MKLN1: variants seen among roughly 807,000 people sequenced by gnomAD.
MKLN1 encodes the protein muskelin.
Under a neutral mutation model 99.0 loss-of-function variants are expected in MKLN1, and 18 were observed. The ratio of observed to expected loss-of-function variants is 0.18; its 90% CI spans 0.13 to 0.27. The LOEUF (loss-of-function observed/expected upper bound fraction) is 0.27, where lower values mean the gene tolerates loss of function less well. Ranked by LOEUF, MKLN1 falls within the 10% of genes least tolerant of loss-of-function variation. MKLN1 has a pLI of 1.00. For synonymous variants in MKLN1, 288 were observed against 293.2 expected (o/e 0.98, Z 0.18); for missense variants, 621 against 875.9 (o/e 0.71, Z 3.67).
intron 8 of MKLN1, among the ~76,000 whole-genome samples, chr7:131,425,651 A>G (rs1795337708): frequency 1.3e-5 from 2 of 152,188 alleles, no homozygotes; most frequent in African/African-American, 4.8e-5. Context: ...TATAGCCTAT[A>G]TCCCATTCAG....
intron 2 of MKLN1, among the ~76,000 whole-genome samples, chr7:131,169,883 C>T (rs1796191553): frequency 6.6e-6 from 1 of 152,196 alleles, no homozygotes; most frequent in Non-Finnish European, 1.5e-5. Flanking sequence ...ACCATTATTA[C>T]AGCTCAACGG....
chr7:131,411,375 G>C lies in MKLN1; in HGVS notation c.773G>C (p.Ser258Thr). The change falls in exon 7 of 18, where the codon AGT (serine) becomes ACT (threonine). Residue 258 changes from serine to threonine, a missense_variant. Ser to Thr is a moderately conservative substitution (Grantham distance 58). Around this residue, in one of 8 missense-constraint regions of MKLN1, gnomAD observed 361 missense variants for 540.8 expected, o/e 0.67. Transcript: ENST00000352689. The part of the protein sequence containing the change: ...KPRWSQIIPK[S>T]TKGDGEDNRP... ...CGATGGAGTCAAATCATTCCCAAAA[G>C]TACCAAAGGTAAGCCATACCTTCTA... 2 of 1,603,124 alleles carry C rather than the reference G, an allele frequency of 1.2e-6. No homozygotes were observed. The highest frequency in any genetic ancestry group is 1.1e-5 in the South Asian group (1 of 90,840).
chr7:131,300,500 G>A (rs930046746), intron 3 of MKLN1, among the ~76,000 whole-genome samples: 12 of 141,240 alleles, frequency 8.5e-5, no homozygotes, highest in Non-Finnish European at 1.8e-4. Flanking sequence ...GGCCAAGATG[G>A]CAAAACACTG....
intron 3 of MKLN1, among the ~76,000 whole-genome samples, chr7:131,290,487 G>C (rs1380706459): frequency 6.6e-6 from 1 of 152,122 alleles, no homozygotes; most frequent in Non-Finnish European, 1.5e-5. Flanking sequence ...ATGTATCCCA[G>C]GTGCCTAGAA....
intron 3 of MKLN1, among the ~76,000 whole-genome samples, chr7:131,276,293 G>A (rs569822951): frequency 6.6e-6 from 1 of 152,304 alleles, no homozygotes; most frequent in Non-Finnish European, 1.5e-5. Flanking sequence ...GGGAGAGCTA[G>A]GGTGGAGTCA....
rs542233873 is a variant in MKLN1 at position 131,436,394 on chromosome 7, T to G, written c.961-1391T>G. Among the ~76,000 whole-genome samples, 10 of 152,310 alleles carry G rather than the reference T, an allele frequency of 6.6e-5. No individual in the cohort carries two copies. In the East Asian group the frequency reaches 1.9e-3, roughly 29 times the overall value. ...TTTCTGTGTCCACTTTATACATCAATTCTGTTATTTCTGCAGGAAGAACTC... is the reference window on the plus strand; with the variant it reads ...TTTCTGTGTCCACTTTATACATCAAGTCTGTTATTTCTGCAGGAAGAACTC... On this transcript the variant is annotated intron_variant, in intron 9 of 17. Transcript: ENST00000352689.
intron 3 of MKLN1, among the ~76,000 whole-genome samples, chr7:131,272,514 C>G (rs1170175084): frequency 2.0e-5 from 3 of 152,142 alleles, no homozygotes; most frequent in Non-Finnish European, 4.4e-5. Flanking sequence ...TTGGCTTACC[C>G]TCATGGGAAA....
Position 131,495,365 on chromosome 7 carries a change from T to A in MKLN1, c.*7637T>A, listed in dbSNP as rs1797530072. On this transcript the variant is annotated 3_prime_UTR_variant, in exon 18 of 18. Transcript: ENST00000352689. ...GAAAACATCTCCTGGACTGGAAATGTGGTGCTGTAACCAGCTGAGCCGAAA... is the reference window on the plus strand; with the variant it reads ...GAAAACATCTCCTGGACTGGAAATGAGGTGCTGTAACCAGCTGAGCCGAAA... 1 of 152,200 alleles carries A rather than the reference T, an allele frequency of 6.6e-6. No individual in the cohort carries two copies. The highest frequency in any genetic ancestry group is 2.1e-4 in the South Asian group (1 of 4,834). 9.4% of individuals were successfully genotyped at this position (152,200 alleles called of 1,614,324 possible).
At chr7:131,242,269 CT>C (rs544019733) in intron 3 of MKLN1, among the ~76,000 whole-genome samples, 1 of 152,304 alleles carries the variant, frequency 6.6e-6, no homozygotes, top group South Asian at 2.1e-4. Flanking sequence ...GGTATGGTGG[CT>C]CACGCCTGTA....
At chr7:131,448,624 A>G (rs1796087258) in intron 12 of MKLN1, among the ~76,000 whole-genome samples, 1 of 152,230 alleles carries the variant, frequency 6.6e-6, no homozygotes, top group African/African-American at 2.4e-5. Flanking sequence ...TTTAAAATTT[A>G]CATTAAATTG....
intron 2 of MKLN1, among the ~76,000 whole-genome samples, chr7:131,184,855 C>T (rs1796426602): frequency 1.3e-5 from 2 of 152,156 alleles, no homozygotes; most frequent in Non-Finnish European, 2.9e-5. Context: ...TGCACACACC[C>T]AGCCAGGTTC....
intron 1 of MKLN1, among the ~76,000 whole-genome samples, chr7:131,342,996 A>G (rs1799451013): frequency 6.6e-6 from 1 of 152,250 alleles, no homozygotes; most frequent in Admixed American, 6.5e-5. Context: ...CTGTCCATAC[A>G]TGGTTCAATA....
intron 3 of MKLN1, among the ~76,000 whole-genome samples, chr7:131,232,990 G>C (rs2116478246): frequency 6.6e-6 from 1 of 152,258 alleles, no homozygotes; most frequent in East Asian, 1.9e-4. Flanking sequence ...GAGGGAATGA[G>C]TGAAATGAGT....
intron 3 of MKLN1, among the ~76,000 whole-genome samples, chr7:131,241,344 C>T (rs578087406): frequency 7.5e-5 from 11 of 145,836 alleles, no homozygotes; most frequent in Middle Eastern, 3.5e-3. Context: ...CACCACTGCA[C>T]TCCAGCCTGG....
At chr7:131,227,785 C>T (rs542589613) in intron 3 of MKLN1, among the ~76,000 whole-genome samples, 3 of 152,166 alleles carry the variant, frequency 2.0e-5, no homozygotes, top group East Asian at 3.9e-4. Flanking sequence ...AGGCTGGTCT[C>T]GAACTCCTGG....
intron 12 of MKLN1, among the ~76,000 whole-genome samples, chr7:131,448,707 T>C (rs1226904061): frequency 6.6e-6 from 1 of 152,242 alleles, no homozygotes; most frequent in Non-Finnish European, 1.5e-5. Context: ...AATGGATTCA[T>C]TGTTTGATTA....
At position 131,487,506 on chromosome 7, in the gene MKLN1, T is replaced by C; in HGVS notation, c.2087-101T>C. The C allele has an allele frequency of 3.0e-6, 4 of 1,347,712 alleles. 1 individual carries two copies. Among genetic ancestry groups the C allele is most frequent in the Non-Finnish European group, 4.0e-6 (4 of 989,814 alleles). 83.5% of individuals were successfully genotyped at this position (1,347,712 alleles called of 1,614,324 possible). On this transcript the variant is annotated intron_variant, in intron 17 of 17. Transcript: ENST00000352689. The surrounding 1 kb of genome is among the most constrained non-coding windows in gnomAD (Gnocchi z 4.7). ...GTGTCTGCCTGGTTTTGAAGCCTGA[T>C]TTGATTTCTCCATTATAAAATACAT...
intron 12 of MKLN1, among the ~76,000 whole-genome samples, chr7:131,462,445 G>T (rs1796543486): frequency 6.6e-6 from 1 of 152,074 alleles, no homozygotes; most frequent in Non-Finnish European, 1.5e-5. Context: ...TTTTTTCCCA[G>T]GTCAAGATTT....
chr7:131,151,802 C>T (rs980918396), intron 2 of MKLN1, among the ~76,000 whole-genome samples: 3 of 152,128 alleles, frequency 2.0e-5, no homozygotes, highest in African/African-American at 7.2e-5. Context: ...TTTATGCACG[C>T]ATACAAACAC....
Sources: allele counts gnomAD v4.1 joint callset (sites outside exome capture counted in the v4.1 genomes callset), GRCh38; gene constraint gnomAD v4.1.1; regional missense constraint gnomAD v4.1.1; non-coding constraint Gnocchi (gnomAD v3.1); transcripts MANE v1.5; gene names NCBI Gene and HGNC (gene_info 2026-07-23, HGNC 2026-07-21).